Variants in VCP observed in about 807,000 individuals in gnomAD.
The protein encoded by VCP is valosin containing protein, also known as transitional endoplasmic reticulum ATPase.
VCP carries 6 observed loss-of-function variants against 85.7 expected under a neutral mutation model. The observed-to-expected ratio is 0.07, with a 90% CI of 0.04 to 0.14. VCP has a LOEUF of 0.14. Ranked by LOEUF, VCP falls within the 10% of genes least tolerant of loss-of-function variation. The pLI is 1.00. For synonymous variants in VCP, 384 were observed against 367.1 expected, an observed-to-expected ratio of 1.05 and a Z score of -0.53; for missense variants, 353 against 1,043.4, an observed-to-expected ratio of 0.34 and a Z score of 9.12.
At position 35,059,909 on chromosome 9, in the gene VCP, G is replaced by C. The variant is rs1587120637; in HGVS notation, c.1696-108C>G. 7.1e-7 allele frequency: 1 copy of C among 1,418,382 alleles called. No individual in the cohort carries two copies. Among genetic ancestry groups the C allele is most frequent in the South Asian group, 1.2e-5 (1 of 84,560 alleles). The allele number at this position is 1,418,382 out of a possible 1,614,324, so 87.9% of individuals were successfully genotyped here. A position where few individuals can be genotyped will look rare whatever the true frequency, so the allele number is the denominator to read the frequency against. The stretch of plus-strand genomic sequence containing the variant: ...GCACTTTGGGAGGCCAAGGTGGGAG[G>C]ATCACTTGAGGCCAGAAATCCGAAA... On this transcript the variant is annotated intron_variant, in intron 13 of 16. Coordinates refer to ENST00000358901, the MANE Select transcript of VCP (RefSeq NM_007126.5). The surrounding 1 kb of genome is among the most constrained non-coding windows in gnomAD (Gnocchi z 4.9).
At position 35,059,625 on chromosome 9, in the gene VCP, G is replaced by A. The variant is rs770725781; in HGVS notation, c.1872C>T (p.Asn624=). 1 of 1,614,176 alleles carries A rather than the reference G, an allele frequency of 6.2e-7. No homozygotes were observed. The highest frequency in any genetic ancestry group is 1.3e-5 in the African/African-American group (1 of 75,030). The change falls in exon 14 of 17, where the codon AAC becomes AAT. Residue 624 remains asparagine, a synonymous_variant. Transcript: ENST00000358901. The surrounding 1 kb of genome is among the most constrained non-coding windows in gnomAD (Gnocchi z 4.9). ...KKNVFIIGAT[N]RPDIIDPAIL... is the part of the protein sequence containing the mutation. ...TGGCAGGATCAATGATGTCAGGCCG[G>A]TTGGTAGCGCCAATGATGAACACAT... is the stretch of plus-strand genomic sequence containing the variant.
At chr9:35,067,861 T>C in intron 3 of VCP, 30 bp downstream of exon 3, 2 of 1,613,874 alleles carry the variant, frequency 1.2e-6, no homozygotes, top group African/African-American at 1.3e-5. Flanking sequence ...TGGCCTCCCA[T>C]CCCTGTGAAG....
chr9:35,070,273 A>G (rs1304973472), intron 1 of VCP, among the ~76,000 whole-genome samples: 1 of 152,138 alleles, frequency 6.6e-6, no homozygotes, highest in East Asian at 1.9e-4. Context: ...TCAACACACT[A>G]GAGGCCAAGC....
Position 35,059,421 on chromosome 9 carries a change from G to A in VCP, c.2004+72C>T. On this transcript the variant is annotated intron_variant, in intron 14 of 16. Coordinates refer to ENST00000358901, the MANE Select transcript of VCP (RefSeq NM_007126.5). The surrounding 1 kb of genome is among the most constrained non-coding windows in gnomAD (Gnocchi z 4.9). ...CCTAACCCCAGTGGAATCTTGTCCA[G>A]AAACTAAAGAGCACTCCGTACCAGC... 6.3e-7 allele frequency: 1 copy of A among 1,586,142 alleles called. No homozygotes were observed. The highest frequency in any genetic ancestry group is 1.3e-5 in the African/African-American group (1 of 74,488).
At position 35,063,042 on chromosome 9, in the gene VCP, T is replaced by C. The variant is rs773939501; in HGVS notation, c.747A>G (p.Thr249=). 6.2e-7 allele frequency: 1 copy of C among 1,614,098 alleles called. No homozygotes were observed. The highest frequency in any genetic ancestry group is 8.5e-7 in the Non-Finnish European group (1 of 1,180,004). The change falls in exon 7 of 17, where the codon ACA becomes ACG. Residue 249 remains threonine (T), a synonymous_variant. Coordinates refer to ENST00000358901, the MANE Select transcript of VCP (RefSeq NM_007126.5). ...RGILLYGPPG[T]GKTLIARAVA... is the part of the protein sequence containing the mutation. ...CAGCTCGAGCAATCAGGGTCTTTCC[T>C]GTTCCAGGAGGTCCGTAAAGCAGGA... is the stretch of plus-strand genomic sequence containing the variant.
intron 4 of VCP, 78 bp downstream of exon 4, chr9:35,066,596 GA>G: frequency 7.7e-7 from 1 of 1,291,898 alleles, no homozygotes. Context: ...AAAAAAAAAA[GA>G]AAAAGAAAAT....
In VCP at chr9:35,061,122, C is replaced by A; in HGVS notation, c.1252G>T (p.Ala418Ser). The A allele has an allele frequency of 6.2e-7, 1 of 1,614,084 alleles. No homozygotes were observed. Among genetic ancestry groups the A allele is most frequent in the Middle Eastern group, 1.7e-4 (1 of 6,016 alleles). ...GADLAALCSE[A>S]ALQAIRKKMD... ...TTCTTGCGGATGGCTTGCAGAGCAG[C>A]CTCTGAGCACAGGGCTGCTAAGTCA... Residue 418 changes from alanine to serine, a missense_variant, in exon 11 of 17, where the codon GCT becomes TCT. By Grantham distance (99) the Ala-to-Ser change is moderately conservative. Transcript: ENST00000358901.
chr9:35,056,345 G>A lies in VCP; in HGVS notation c.*772C>T, dbSNP rs1828604610. The A allele has an allele frequency of 6.6e-6, 1 of 152,662 alleles. No homozygotes were observed. Among genetic ancestry groups the A allele is most frequent in the Non-Finnish European group, 1.5e-5 (1 of 68,310 alleles). The allele number at this position is 152,662 out of a possible 1,614,324, so 9.5% of individuals were successfully genotyped here. A position where few individuals can be genotyped will look rare whatever the true frequency, so the allele number is the denominator to read the frequency against. On this transcript the variant is annotated 3_prime_UTR_variant, in exon 17 of 17. Coordinates refer to ENST00000358901, the MANE Select transcript of VCP (RefSeq NM_007126.5). ...GAGGGATGCCATATTCTCCACATTT[G>A]GAGCTCTGTCAGGCTGCTCCCTTTC...
chr9:35,061,297 A>G, intron 10 of VCP, 118 bp from the exon 11 acceptor site: 1 of 1,360,804 alleles, frequency 7.3e-7, no homozygotes, highest in Non-Finnish European at 1.0e-6. Flanking sequence ...TTCCTTGAAT[A>G]TATACTATCA....
At chr9:35,066,941 C>A (rs532631850) in intron 3 of VCP, 124 bp from the exon 4 acceptor site, 2 of 1,481,308 alleles carry the variant, frequency 1.4e-6, no homozygotes, top group South Asian at 1.1e-5. Context: ...TGGCTTTAGG[C>A]GAAGAGAGGA....
At chr9:35,068,571 G>A (rs118041972) in intron 1 of VCP, among the ~76,000 whole-genome samples, 1,814 of 152,268 alleles carry the variant, frequency 0.012, 19 homozygotes, top group Middle Eastern at 0.027. Context: ...TATTTTGAGC[G>A]TCAGTGTCCC....
At chr9:35,057,657 G>T in intron 15 of VCP, 127 bp from the exon 16 acceptor site, 3 of 1,295,204 alleles carry the variant, frequency 2.3e-6, no homozygotes, top group Non-Finnish European at 3.3e-6. Context: ...AAGATGCTAG[G>T]CCATGCTTCC....
intron 4 of VCP, 84 bp downstream of exon 4, chr9:35,066,591 A>G: frequency 6.6e-7 from 1 of 1,516,612 alleles, no homozygotes; most frequent in East Asian, 2.4e-5. Context: ...TTAAAAAAAA[A>G]AAAAGAAAAA....
intron 3 of VCP, among the ~76,000 whole-genome samples, chr9:35,067,128 T>A (rs1481129068): frequency 6.6e-6 from 1 of 151,994 alleles, no homozygotes; most frequent in African/African-American, 2.4e-5. Flanking sequence ...CAAGGGAAGG[T>A]CTTAAGCTAA....
intron 8 of VCP, 25 bp downstream of exon 8, chr9:35,062,192 T>A (rs1828739765): frequency 1.2e-6 from 2 of 1,614,122 alleles, no homozygotes; most frequent in East Asian, 2.2e-5. Context: ...TCAACCCCCC[T>A]CTATCCCCTC....
chr9:35,071,985 C>T, intron 1 of VCP: 2 of 1,101,444 alleles, frequency 1.8e-6, no homozygotes, highest in South Asian at 5.5e-5. Context: ...ACTGGCGCCC[C>T]AAAGCCCCGG....
intron 4 of VCP, among the ~76,000 whole-genome samples, chr9:35,066,177 T>A (rs187604293): frequency 6.6e-6 from 1 of 150,960 alleles, no homozygotes; most frequent in African/African-American, 2.4e-5. Context: ...ATGCCTGTAA[T>A]CCCAGCACTT....
intron 5 of VCP, among the ~76,000 whole-genome samples, chr9:35,064,684 G>T (rs1288554636): frequency 6.6e-6 from 1 of 152,162 alleles, no homozygotes; most frequent in East Asian, 1.9e-4. Context: ...CCTGGGAATG[G>T]GCAGAGGCCT....
Position 35,061,303 on chromosome 9 carries a change from T to C in VCP, c.1195-124A>G. 3 of 1,303,940 alleles carry C rather than the reference T, an allele frequency of 2.3e-6. No individual in the cohort carries two copies. The East Asian group carries it at 7.3e-5, about 32-fold the overall frequency. 80.8% of individuals were successfully genotyped at this position (1,303,940 alleles called of 1,614,324 possible). A position where few individuals can be genotyped will look rare whatever the true frequency, so the allele number is the denominator to read the frequency against. ...TCCTCTCATTTCCTTGAATATATACTATCAATACCTTTATGGGCTGGGTTT... is the reference window on the plus strand; with the variant it reads ...TCCTCTCATTTCCTTGAATATATACCATCAATACCTTTATGGGCTGGGTTT... On this transcript the variant is annotated intron_variant, in intron 10 of 16. Coordinates refer to ENST00000358901, the MANE Select transcript of VCP (RefSeq NM_007126.5).
Sources: allele counts gnomAD v4.1 joint callset (sites outside exome capture counted in the v4.1 genomes callset), GRCh38; gene constraint gnomAD v4.1.1; non-coding constraint Gnocchi (gnomAD v3.1); transcripts MANE v1.5; gene names NCBI Gene and HGNC (gene_info 2026-07-23, HGNC 2026-07-21).